EPB41L4A: variants seen among roughly 807,000 people sequenced by gnomAD.
The protein encoded by EPB41L4A is erythrocyte membrane protein band 4.1 like 4A, also known as band 4.1-like protein 4A.
Under a neutral mutation model 108.6 loss-of-function variants are expected in EPB41L4A, and 100 were observed. The observed-to-expected ratio is 0.92, with a 90% confidence interval of 0.78 to 1.09. The LOEUF is 1.09. Ranked by LOEUF, EPB41L4A falls within the 50% of genes least tolerant of loss-of-function variation. The pLI, the probability that EPB41L4A is intolerant of heterozygous loss-of-function variation, is 0.00. For missense variants in EPB41L4A, 1,030 were observed against 842.7 expected (o/e 1.22, Z -2.75); for synonymous variants, 319 against 289.0 (o/e 1.10, Z -1.05).
At chr5:112,307,626 T>C in intron 1 of EPB41L4A, 136 bp from the exon 2 acceptor site, 1 of 488,208 alleles carries the variant, frequency 2.0e-6, no homozygotes, top group Non-Finnish European at 3.5e-6. Context: ...TCTCTGTAAG[T>C]TGTGCCTCAA....
intron 1 of EPB41L4A, among the ~76,000 whole-genome samples, chr5:112,398,858 G>A (rs1435045609): frequency 2.0e-5 from 3 of 151,388 alleles, no homozygotes; most frequent in African/African-American, 4.9e-5. Context: ...AAGGTGACAC[G>A]TCCAGGGCCT....
intron 1 of EPB41L4A, among the ~76,000 whole-genome samples, chr5:112,364,616 T>C (rs753065181): frequency 1.3e-5 from 2 of 152,212 alleles, no homozygotes; most frequent in Non-Finnish European, 2.9e-5. Context: ...AATCATGCTA[T>C]AGTTAAGCAT....
At chr5:112,271,696 A>G (rs1182116729) in intron 4 of EPB41L4A, among the ~76,000 whole-genome samples, 1 of 152,258 alleles carries the variant, frequency 6.6e-6, no homozygotes, top group Admixed American at 6.5e-5. Context: ...AGAACTGAAA[A>G]TAAGTTTAAC....
intron 11 of EPB41L4A, 128 bp from the exon 12 acceptor site, chr5:112,234,883 T>A: frequency 2.1e-6 from 2 of 967,736 alleles, no homozygotes; most frequent in Non-Finnish European, 3.0e-6. Context: ...GGTTTTTAAT[T>A]GATTCTCATT....
chr5:112,294,368 C>A lies in EPB41L4A; in HGVS notation c.204+13018G>T, dbSNP rs138950972. On this transcript the variant is annotated intron_variant, in intron 2 of 22. Transcript: ENST00000261486. ...CACACAGTCCAGGCGAGAGTTCTTT[C>A]ACTCAGTAACATTACAGATCACTTG... Among the ~76,000 whole-genome samples, 1,131 of 152,328 alleles carry A rather than the reference C, an allele frequency of 7.4e-3. 10 individuals carry two copies. The highest frequency in any genetic ancestry group is 0.014 in the Middle Eastern group (4 of 294).
At chr5:112,239,081 G>T (rs963027000) in intron 11 of EPB41L4A, among the ~76,000 whole-genome samples, 2 of 152,156 alleles carry the variant, frequency 1.3e-5, no homozygotes, top group Non-Finnish European at 2.9e-5. Flanking sequence ...TGACCTCTTT[G>T]AGCCTTAGGG....
intron 4 of EPB41L4A, among the ~76,000 whole-genome samples, chr5:112,272,109 C>T (rs756267983): frequency 6.6e-6 from 1 of 150,784 alleles, no homozygotes; most frequent in Non-Finnish European, 1.5e-5. Flanking sequence ...CATATATATG[C>T]ACGAGAAGTT....
At chr5:112,339,486 A>AGC (rs1757135350) in intron 1 of EPB41L4A, among the ~76,000 whole-genome samples, 3 of 72,674 alleles carry the variant, frequency 4.1e-5, no homozygotes, top group Non-Finnish European at 8.1e-5. Flanking sequence ...ATATATATAT[A>AGC]TATATATATC....
At chr5:112,337,298 T>G (rs975350377) in intron 1 of EPB41L4A, among the ~76,000 whole-genome samples, 2 of 152,332 alleles carry the variant, frequency 1.3e-5, no homozygotes, top group African/African-American at 4.8e-5. Context: ...TTTGCCACAA[T>G]TCAGTCTGGT....
Position 112,307,374 on chromosome 5 carries a change from C to T in EPB41L4A, c.204+12G>A, listed in dbSNP as rs749614300. 73 of 1,567,578 alleles carry T rather than the reference C, an allele frequency of 4.7e-5. No individual in the cohort carries two copies. In the East Asian group the frequency reaches 1.6e-3, roughly 35 times the overall value. ...TAACCAGAAAAATTTAACACAAAGTCACCTTACTCACCGTCTGATGGCTTC... is the reference window on the plus strand; with the variant it reads ...TAACCAGAAAAATTTAACACAAAGTTACCTTACTCACCGTCTGATGGCTTC... On this transcript the variant is annotated intron_variant, in intron 2 of 22. Transcript: ENST00000261486.
chr5:112,390,734 G>A (rs1241224592), intron 1 of EPB41L4A, among the ~76,000 whole-genome samples: 1 of 152,210 alleles, frequency 6.6e-6, no homozygotes, highest in Non-Finnish European at 1.5e-5. Context: ...AGAACGGACA[G>A]ACTGCCTCCT....
intron 18 of EPB41L4A, among the ~76,000 whole-genome samples, chr5:112,178,412 TA>T (rs916166870): frequency 6.6e-5 from 10 of 150,872 alleles, no homozygotes; most frequent in African/African-American, 1.7e-4. Flanking sequence ...GATGAAGAAA[TA>T]AAAAAAAAGA....
intron 1 of EPB41L4A, among the ~76,000 whole-genome samples, chr5:112,380,213 T>A (rs1760077174): frequency 6.6e-6 from 1 of 152,114 alleles, no homozygotes; most frequent in South Asian, 2.1e-4. Context: ...TACCAAATCC[T>A]GAGAAAAACT....
At chr5:112,174,120 A>G (rs1760743738) in intron 18 of EPB41L4A, among the ~76,000 whole-genome samples, 4 of 152,244 alleles carry the variant, frequency 2.6e-5, no homozygotes, top group Admixed American at 2.6e-4. Context: ...AAGGCGAGGA[A>G]AAGTTCCAAA....
intron 9 of EPB41L4A, chr5:112,249,452 T>C (rs1328463030): frequency 2.0e-5 from 3 of 152,150 alleles, no homozygotes; most frequent in Non-Finnish European, 4.4e-5. Flanking sequence ...CTTACAAAAT[T>C]GTAAGTCTTT....
At chr5:112,235,711 T>C (rs537212194) in intron 11 of EPB41L4A, among the ~76,000 whole-genome samples, 1 of 152,298 alleles carries the variant, frequency 6.6e-6, no homozygotes, top group South Asian at 2.1e-4. Flanking sequence ...TACTACTTCC[T>C]CTACCTTTAT....
intron 12 of EPB41L4A, among the ~76,000 whole-genome samples, chr5:112,217,726 A>G (rs1747754161): frequency 6.6e-6 from 1 of 152,170 alleles, no homozygotes; most frequent in Admixed American, 6.6e-5. Context: ...TCTGCCTTCT[A>G]AAGTTCCAAG....
intron 9 of EPB41L4A, among the ~76,000 whole-genome samples, chr5:112,248,117 A>G (rs1188520234): frequency 6.6e-6 from 1 of 152,166 alleles, no homozygotes. Context: ...CCTATTTTTT[A>G]TCCTGTTCCT....
intron 1 of EPB41L4A, among the ~76,000 whole-genome samples, chr5:112,370,801 G>C (rs571102426): frequency 6.0e-4 from 92 of 152,166 alleles, no homozygotes; most frequent in Non-Finnish European, 7.4e-5. Flanking sequence ...TGTAGTCCCA[G>C]CTACTCAGGA....
Sources: allele counts gnomAD v4.1 joint callset (sites outside exome capture counted in the v4.1 genomes callset), GRCh38; gene constraint gnomAD v4.1.1; transcripts MANE v1.5; gene names NCBI Gene and HGNC (gene_info 2026-07-23, HGNC 2026-07-21).